WNK2: variants seen among roughly 807,000 people sequenced by gnomAD.
The protein encoded by WNK2 is WNK lysine deficient protein kinase 2.
Under a neutral mutation model 192.1 loss-of-function variants are expected in WNK2, and 67 were observed. The ratio of observed to expected loss-of-function variants is 0.35; its 90% CI spans 0.29 to 0.43. The LOEUF (loss-of-function observed/expected upper bound fraction) is 0.43. WNK2 is among the 20% of genes least tolerant of loss of function. WNK2 has a pLI of 1.00. For missense variants in WNK2, 2,698 were observed against 3,089.7 expected (o/e 0.87, Z 3.01); for synonymous variants, 1,439 against 1,393.9 (o/e 1.03, Z -0.72).
chr9:93,313,689 A>G (rs1250198996), intron 28 of WNK2, among the ~76,000 whole-genome samples: 2 of 152,186 alleles, frequency 1.3e-5, no homozygotes, highest in South Asian at 4.1e-4. Context: ...GTCTTTTAAA[A>G]AGTGCCTGGT....
chr9:93,267,465 G>A (rs1012953817), intron 16 of WNK2, among the ~76,000 whole-genome samples: 3 of 152,192 alleles, frequency 2.0e-5, no homozygotes, highest in Admixed American at 1.3e-4. Context: ...GGCTGGACCG[G>A]CCTCAGGGTC....
In WNK2 at chr9:93,185,263, G is replaced by T; in HGVS notation, c.334G>T (p.Ala112Ser). 1 of 1,278,054 alleles carries T rather than the reference G, an allele frequency of 7.8e-7. No homozygotes were observed. The allele number at this position is 1,278,054 out of a possible 1,614,324, so 79.2% of individuals were successfully genotyped here. Residue 112 changes from alanine to serine, a missense_variant, in exon 2 of 30, where the codon GCG becomes TCG. Physicochemically the swap from Ala to Ser is moderately conservative, Grantham distance 99. Around this residue, in one of 7 missense-constraint regions of WNK2, gnomAD observed 260 missense variants for 285.6 expected, o/e 0.91. Coordinates refer to ENST00000427277, the MANE Select transcript of WNK2 (RefSeq NM_006648.4). ...GCAGCCGGGAGCCCCCGGAGCCCCC[G>T]CGGACGCCGGCCCCGAGCCCGTGGG... ...VAQPGAPGAP[A>S]DAGPEPVGTQ...
intron 2 of WNK2, among the ~76,000 whole-genome samples, chr9:93,204,242 AG>A (rs1232758175): frequency 2.0e-5 from 3 of 152,036 alleles, no homozygotes; most frequent in African/African-American, 4.8e-5. Flanking sequence ...AGGTGCTGGG[AG>A]TGGGAGAAGC....
intron 4 of WNK2, among the ~76,000 whole-genome samples, chr9:93,231,753 G>A (rs1025807769): frequency 1.3e-5 from 2 of 152,234 alleles, no homozygotes; most frequent in African/African-American, 4.8e-5. Flanking sequence ...CCTCCTGTGA[G>A]AAGCCTTCCC....
chr9:93,272,009 A>G (rs1846066943), intron 19 of WNK2, among the ~76,000 whole-genome samples: 1 of 152,230 alleles, frequency 6.6e-6, no homozygotes, highest in Admixed American at 6.5e-5. Context: ...GTCCATCTAG[A>G]ATTCTGTTTC....
In WNK2 at chr9:93,259,286, C is replaced by A; in HGVS notation, c.2738C>A (p.Pro913Gln). Reference protein sequence around the residue: ...VAQLPGQPVYPAAFPQMAPTD... With the variant: ...VAQLPGQPVYQAAFPQMAPTD... ...CAGCTCCCAGGCCAACCTGTGTACC[C>A]AGCGGCCTTCCCACAGATGGCGCCT... Residue 913 changes from proline to glutamine, a missense_variant, in exon 12 of 30, where the codon CCA becomes CAA. Coordinates refer to ENST00000427277, the MANE Select transcript of WNK2 (RefSeq NM_006648.4). This position sits in a 1 kb window ranked among gnomAD's most constrained non-coding sequence, Gnocchi z 4.8. The A allele has an allele frequency of 6.2e-7, 1 of 1,613,694 alleles. No individual in the cohort carries two copies. The highest frequency in any genetic ancestry group is 1.3e-5 in the African/African-American group (1 of 75,016).
chr9:93,263,744 C>A lies in WNK2; in HGVS notation c.3579+10C>A, dbSNP rs1209050847. 7.1e-6 allele frequency: 7 copies of A among 983,320 alleles called. No homozygotes were observed. Among genetic ancestry groups the A allele is most frequent in the Non-Finnish European group, 8.4e-6 (6 of 716,398 alleles). 60.9% of individuals were successfully genotyped at this position (983,320 alleles called of 1,614,324 possible). A position where few individuals can be genotyped will look rare whatever the true frequency, so the allele number is the denominator to read the frequency against. On this transcript the variant is annotated intron_variant, in intron 15 of 29. Coordinates refer to ENST00000427277, the MANE Select transcript of WNK2 (RefSeq NM_006648.4). ...GCTTACCATCTTGAACGTGAGTGGG[C>A]GGGGCGTGGCGGGGGTGTGGTGGGG...
intron 23 of WNK2, among the ~76,000 whole-genome samples, 159 bp from the exon 24 acceptor site, chr9:93,297,694 A>G (rs1490219862): frequency 2.0e-5 from 3 of 152,230 alleles, no homozygotes; most frequent in Non-Finnish European, 4.4e-5. Context: ...GTCATTTTAC[A>G]GCCCCTGTGT....
rs762395646 is a variant in WNK2 at position 93,256,947 on chromosome 9, GCCT to G, written c.2196_2198del (p.Pro733del). 12 of 1,557,188 alleles carry G rather than the reference GCCT, an allele frequency of 7.7e-6. No individual in the cohort carries two copies. The African/African-American group carries it at 1.5e-4, about 19-fold the overall frequency. ...AGGGGAGCTACCTTCTCTCCCTCTAGCCTCCTCCGCTGGCCCAGCCGACACCCC... is the reference window on the plus strand; with the variant it reads ...AGGGGAGCTACCTTCTCTCCCTCTAGCCTCCGCTGGCCCAGCCGACACCCC... On this transcript the variant is annotated inframe_deletion and splice_region_variant, in exon 11 of 30. Coordinates refer to ENST00000427277, the MANE Select transcript of WNK2 (RefSeq NM_006648.4).
intron 12 of WNK2, among the ~76,000 whole-genome samples, chr9:93,261,447 C>T (rs1226597334): frequency 6.6e-6 from 1 of 152,190 alleles, no homozygotes; most frequent in African/African-American, 2.4e-5. Flanking sequence ...CACACTCTGA[C>T]CGGGGGCCAG....
chr9:93,295,469 A>T (rs935908998), intron 23 of WNK2, among the ~76,000 whole-genome samples: 2 of 152,016 alleles, frequency 1.3e-5, no homozygotes, highest in African/African-American at 4.8e-5. Flanking sequence ...CAAAAAGCCT[A>T]TGTGGCAGGT....
intron 2 of WNK2, among the ~76,000 whole-genome samples, chr9:93,221,896 T>C (rs74386509): frequency 6.6e-6 from 1 of 152,226 alleles, no homozygotes; most frequent in Non-Finnish European, 1.5e-5. Flanking sequence ...GGGCATCAGA[T>C]TGCCGACATT....
rs1840368685 is a variant in WNK2 at position 93,239,420 on chromosome 9, C to A, written c.1323-337C>A. 2.6e-5 allele frequency among the ~76,000 whole-genome samples: 4 copies of A among 152,178 alleles called. No homozygotes were observed. The highest frequency in any genetic ancestry group is 2.6e-4 in the Admixed American group (4 of 15,288). On this transcript the variant is annotated intron_variant, in intron 6 of 29. Coordinates refer to ENST00000427277, the MANE Select transcript of WNK2 (RefSeq NM_006648.4). The surrounding 1 kb of genome is among the most constrained non-coding windows in gnomAD (Gnocchi z 4.2). ...AAAATGTTTCAGTTGTGTCTTCTGA[C>A]AATTGAAAGCTGGCTAGCACATCCA...
chr9:93,269,958 A>C (rs1342261364), intron 19 of WNK2, among the ~76,000 whole-genome samples: 1 of 152,196 alleles, frequency 6.6e-6, no homozygotes, highest in African/African-American at 2.4e-5. Flanking sequence ...CATAGTGGAG[A>C]ATTATTAGGC....
In WNK2 at chr9:93,239,126, G is replaced by C. The variant is rs967769628; in HGVS notation, c.1323-631G>C. Among the ~76,000 whole-genome samples the C allele has an allele frequency of 6.6e-6, 1 of 152,202 alleles. No homozygotes were observed. Among genetic ancestry groups the C allele is most frequent in the African/African-American group, 2.4e-5 (1 of 41,456 alleles). ...GGGTGGCCAAGCCCTGCAGAGCCCC[G>C]AAGTGGTCACCATGGCAACACCCTG... On this transcript the variant is annotated intron_variant, in intron 6 of 29. Coordinates refer to ENST00000427277, the MANE Select transcript of WNK2 (RefSeq NM_006648.4). The surrounding 1 kb of genome is among the most constrained non-coding windows in gnomAD (Gnocchi z 4.2).
At chr9:93,271,952 A>G (rs915752187) in intron 19 of WNK2, among the ~76,000 whole-genome samples, 2 of 152,268 alleles carry the variant, frequency 1.3e-5, no homozygotes, top group Non-Finnish European at 2.9e-5. Context: ...AGTGTGGTGT[A>G]CAGAAGAAAG....
At chr9:93,260,958 G>A (rs952356011) in intron 12 of WNK2, among the ~76,000 whole-genome samples, 4 of 152,186 alleles carry the variant, frequency 2.6e-5, no homozygotes, top group African/African-American at 4.8e-5. Flanking sequence ...CTTGTGACAT[G>A]TGAGGGTCAC....
intron 16 of WNK2, 71 bp from the exon 17 acceptor site, chr9:93,267,675 C>T: frequency 6.8e-7 from 1 of 1,468,962 alleles, no homozygotes; most frequent in Middle Eastern, 1.8e-4. Flanking sequence ...AGACATCCGT[C>T]AATCCAGATG....
intron 8 of WNK2, among the ~76,000 whole-genome samples, chr9:93,252,501 A>G (rs1367092890): frequency 1.3e-5 from 2 of 152,274 alleles, no homozygotes; most frequent in South Asian, 2.1e-4. Context: ...ATTTATCTCC[A>G]CAGTGAAGAC....
Sources: allele counts gnomAD v4.1 joint callset (sites outside exome capture counted in the v4.1 genomes callset), GRCh38; gene constraint gnomAD v4.1.1; regional missense constraint gnomAD v4.1.1; non-coding constraint Gnocchi (gnomAD v3.1); transcripts MANE v1.5; gene names NCBI Gene and HGNC (gene_info 2026-07-23, HGNC 2026-07-21).